The following ARHGAP42 variants were observed in gnomAD, a reference collection of about 807,000 sequenced individuals.
ARHGAP42 encodes rho GTPase-activating protein 42.
A neutral mutation model predicts 125.0 loss-of-function variants in ARHGAP42; 63 were observed. That is an observed-to-expected ratio of 0.50 (90% CI 0.41 to 0.62). ARHGAP42 has a LOEUF of 0.62. ARHGAP42 is among the 20% of genes least tolerant of loss of function. ARHGAP42 has a pLI of 0.00. For synonymous variants in ARHGAP42, 339 were observed against 351.0 expected (o/e 0.97, Z 0.38); for missense variants, 766 against 1,024.2 (o/e 0.75, Z 3.44).
intron 6 of ARHGAP42, among the ~76,000 whole-genome samples, chr11:100,931,420 T>C (rs529194): frequency 0.9 from 137,438 of 152,246 alleles, 62,233 homozygotes; most frequent in East Asian, 1. Context: ...TATCAGTGTG[T>C]TTTGTCTTTT....
chr11:100,811,975 T>C (rs1323694366), intron 3 of ARHGAP42, among the ~76,000 whole-genome samples: 2 of 152,128 alleles, frequency 1.3e-5, no homozygotes, highest in Non-Finnish European at 2.9e-5. Context: ...TTTTTATTGC[T>C]TTTCATAGAG....
intron 2 of ARHGAP42, among the ~76,000 whole-genome samples, chr11:100,792,920 T>G (rs1279498333): frequency 6.6e-6 from 1 of 151,740 alleles, no homozygotes; most frequent in Non-Finnish European, 1.5e-5. Flanking sequence ...GCCCTGCTAA[T>G]TTTTTTTGTA....
intron 3 of ARHGAP42, among the ~76,000 whole-genome samples, chr11:100,813,166 G>A (rs1009392160): frequency 3.3e-5 from 5 of 152,190 alleles, no homozygotes; most frequent in African/African-American, 9.7e-5. Flanking sequence ...TCATTGGTAG[G>A]ATTTCTCCAC....
chr11:100,725,836 G>T (rs1861849123), intron 1 of ARHGAP42, among the ~76,000 whole-genome samples: 1 of 151,582 alleles, frequency 6.6e-6, no homozygotes, highest in African/African-American at 2.4e-5. Context: ...TCAGGAGGCT[G>T]TGGCAGGAGA....
intron 1 of ARHGAP42, among the ~76,000 whole-genome samples, chr11:100,764,828 AC>A (rs1275878029): frequency 6.6e-6 from 1 of 152,170 alleles, no homozygotes; most frequent in Non-Finnish European, 1.5e-5. Flanking sequence ...AAAGTTTCCT[AC>A]CGTTAATATA....
intron 4 of ARHGAP42, among the ~76,000 whole-genome samples, chr11:100,891,525 C>T (rs575244705): frequency 1.3e-5 from 2 of 150,910 alleles, no homozygotes; most frequent in Non-Finnish European, 2.9e-5. Context: ...TTGCTGCAAC[C>T]TCTGCCTCCT....
At chr11:100,691,162 G>A (rs987629046) in intron 1 of ARHGAP42, among the ~76,000 whole-genome samples, 1 of 152,186 alleles carries the variant, frequency 6.6e-6, no homozygotes, top group Non-Finnish European at 1.5e-5. Context: ...TATTCTTACT[G>A]GTGAATAGTT....
At chr11:100,868,799 A>C (rs536516212) in intron 4 of ARHGAP42, among the ~76,000 whole-genome samples, 60 of 152,270 alleles carry the variant, frequency 3.9e-4, no homozygotes, top group African/African-American at 1.3e-3. Context: ...TCTAAGCTTT[A>C]ATTTCCCCAT....
intron 4 of ARHGAP42, among the ~76,000 whole-genome samples, chr11:100,874,943 C>A (rs1370585340): frequency 2.0e-5 from 3 of 152,102 alleles, no homozygotes. Context: ...TGACTCTGTT[C>A]TCTTTTACCT....
intron 2 of ARHGAP42, among the ~76,000 whole-genome samples, chr11:100,791,034 C>CT (rs1228211248): frequency 6.6e-6 from 1 of 152,132 alleles, no homozygotes; most frequent in Admixed American, 6.5e-5. Context: ...AACTCAATAA[C>CT]TATTCTGTAT....
At chr11:100,852,819 A>G (rs1038638345) in intron 3 of ARHGAP42, among the ~76,000 whole-genome samples, 3 of 152,164 alleles carry the variant, frequency 2.0e-5, no homozygotes, top group African/African-American at 7.2e-5. Context: ...GGAGTGGTCT[A>G]ATTGTGCCAC....
chr11:100,781,059 G>GGAGT (rs1444691827), intron 2 of ARHGAP42, among the ~76,000 whole-genome samples: 1 of 151,968 alleles, frequency 6.6e-6, no homozygotes, highest in African/African-American at 2.4e-5. Context: ...TTTTTTTGGT[G>GGAGT]TTTTCCTAGT....
intron 6 of ARHGAP42, among the ~76,000 whole-genome samples, chr11:100,929,022 T>G (rs1006521958): frequency 2.6e-5 from 4 of 152,206 alleles, no homozygotes; most frequent in African/African-American, 9.6e-5. Flanking sequence ...TATTAGTTGA[T>G]AGGTACCTTT....
intron 12 of ARHGAP42, among the ~76,000 whole-genome samples, chr11:100,951,943 T>C (rs569576250): frequency 1.3e-5 from 2 of 152,318 alleles, no homozygotes; most frequent in African/African-American, 4.8e-5. Flanking sequence ...TCCTGAGACA[T>C]GTGCTGAGCA....
rs530642162 is a variant in ARHGAP42, at chr11:100,891,676, C to T, written c.385-21776C>T. On this transcript the variant is annotated intron_variant, in intron 4 of 23. Transcript: ENST00000298815. ...CAAACTGGCCTCAAACTCCTGACCT[C>T]AGGTGATCCACCCACCTTGGCCTCC... Among the ~76,000 whole-genome samples, 7 of 152,252 alleles carry T rather than the reference C, an allele frequency of 4.6e-5. No homozygotes were observed. In the East Asian group the frequency reaches 5.8e-4, roughly 13 times the overall value.
chr11:100,724,828 TTTTA>T (rs1861826922), intron 1 of ARHGAP42, among the ~76,000 whole-genome samples: 1 of 104,904 alleles, frequency 9.5e-6, no homozygotes, highest in African/African-American at 4.5e-5. Flanking sequence ...GTGCCCTACT[TTTTA>T]TTTCTTTTTT....
At chr11:100,791,000 A>C (rs1403503886) in intron 2 of ARHGAP42, among the ~76,000 whole-genome samples, 1 of 152,244 alleles carries the variant, frequency 6.6e-6, no homozygotes, top group East Asian at 1.9e-4. Context: ...AAGTCTGAGA[A>C]TAAGTGGCTC....
intron 3 of ARHGAP42, among the ~76,000 whole-genome samples, chr11:100,858,629 A>G (rs1169481445): frequency 1.3e-5 from 2 of 152,178 alleles, no homozygotes; most frequent in East Asian, 1.9e-4. Context: ...GAAAAATAGT[A>G]CATGGAACAC....
chr11:100,813,762 C>G (rs1001227241), intron 3 of ARHGAP42, among the ~76,000 whole-genome samples: 14 of 152,124 alleles, frequency 9.2e-5, no homozygotes, highest in African/African-American at 3.4e-4. Flanking sequence ...CTCTGAATCC[C>G]TCTAATAGGT....
Sources: allele counts gnomAD v4.1 joint callset (sites outside exome capture counted in the v4.1 genomes callset), GRCh38; gene constraint gnomAD v4.1.1; transcripts MANE v1.5; gene names NCBI Gene and HGNC (gene_info 2026-07-23, HGNC 2026-07-21).